The following ZDHHC14 variants were observed in gnomAD, a reference collection of about 807,000 sequenced individuals.
The protein encoded by ZDHHC14 is palmitoyltransferase ZDHHC14.
Under a neutral mutation model 47.7 loss-of-function variants are expected in ZDHHC14, and 16 were observed. The ratio of observed to expected loss-of-function variants is 0.34; its 90% CI spans 0.23 to 0.51. The LOEUF is 0.51. Ranked by LOEUF, ZDHHC14 falls within the 20% of genes least tolerant of loss-of-function variation. The probability of loss-of-function intolerance (pLI) is 0.97; values close to 1 mark genes in which losing one functional copy is unlikely to be tolerated. For missense variants in ZDHHC14, 515 were observed against 662.5 expected (o/e 0.78, Z 2.44); for synonymous variants, 293 against 278.9 (o/e 1.05, Z -0.50).
intron 8 of ZDHHC14, among the ~76,000 whole-genome samples, chr6:157,669,116 C>T (rs1057458264): frequency 2.6e-5 from 4 of 152,168 alleles, no homozygotes; most frequent in Admixed American, 6.5e-5. Context: ...TGGAAGTCTC[C>T]GAAGGTGCAC....
At chr6:157,406,228 GA>G (rs1777759105) in intron 1 of ZDHHC14, among the ~76,000 whole-genome samples, 1 of 152,198 alleles carries the variant, frequency 6.6e-6, no homozygotes, top group South Asian at 2.1e-4. Flanking sequence ...TGGAATCCTG[GA>G]GGACCGGGTG....
intron 4 of ZDHHC14, chr6:157,631,996 C>G (rs1481651670): frequency 6.6e-6 from 1 of 152,310 alleles, no homozygotes; most frequent in Non-Finnish European, 1.5e-5. Context: ...ACTCTTCACC[C>G]TCCCAGGTGT....
intron 5 of ZDHHC14, among the ~76,000 whole-genome samples, chr6:157,642,838 A>G (rs957329503): frequency 1.5e-4 from 23 of 152,226 alleles, no homozygotes; most frequent in African/African-American, 4.3e-4. Flanking sequence ...GTGTCTGTAT[A>G]TCTGTATCTG....
chr6:157,622,195 A>G (rs191418711), intron 3 of ZDHHC14, among the ~76,000 whole-genome samples: 9 of 143,074 alleles, frequency 6.3e-5, no homozygotes, highest in East Asian at 2.1e-4. Context: ...ACATGGCAAA[A>G]TCCCATCTCC....
At chr6:157,438,480 C>T (rs1233384248) in intron 1 of ZDHHC14, among the ~76,000 whole-genome samples, 2 of 152,326 alleles carry the variant, frequency 1.3e-5, no homozygotes, top group African/African-American at 4.8e-5. Flanking sequence ...GTGCAGACAT[C>T]TCTAGTTTTC....
intron 3 of ZDHHC14, among the ~76,000 whole-genome samples, chr6:157,606,997 ACTT>A (rs1307292379): frequency 6.6e-6 from 1 of 152,168 alleles, no homozygotes; most frequent in Non-Finnish European, 1.5e-5. Context: ...ACTTGCCACT[ACTT>A]CAAAATTGTG....
chr6:157,435,552 T>A (rs145870640), intron 1 of ZDHHC14, among the ~76,000 whole-genome samples: 1 of 152,152 alleles, frequency 6.6e-6, no homozygotes, highest in Non-Finnish European at 1.5e-5. Flanking sequence ...TCTATCTTTT[T>A]TTTTTAAGAT....
intron 1 of ZDHHC14, among the ~76,000 whole-genome samples, chr6:157,406,411 G>A (rs1405168458): frequency 1.3e-5 from 2 of 152,218 alleles, no homozygotes; most frequent in African/African-American, 2.4e-5. Context: ...ACATTGAATC[G>A]TACCTTTGGT....
chr6:157,507,328 G>A (rs1780351494), intron 1 of ZDHHC14, among the ~76,000 whole-genome samples: 1 of 149,710 alleles, frequency 6.7e-6, no homozygotes, highest in Non-Finnish European at 1.5e-5. Flanking sequence ...CTGTCACCCA[G>A]GCTGGAGTGC....
At chr6:157,562,208 G>A (rs1009789567) in intron 2 of ZDHHC14, among the ~76,000 whole-genome samples, 3 of 152,148 alleles carry the variant, frequency 2.0e-5, no homozygotes, top group African/African-American at 7.2e-5. Flanking sequence ...CATGAGAAGA[G>A]AGAGGAAGGG....
At chr6:157,449,635 G>T (rs1669204058) in intron 1 of ZDHHC14, among the ~76,000 whole-genome samples, 1 of 152,136 alleles carries the variant, frequency 6.6e-6, no homozygotes, top group South Asian at 2.1e-4. Context: ...CATACAATAT[G>T]CAGTCTGTCG....
chr6:157,538,336 GAACTGGGC>G (rs1781617589), intron 1 of ZDHHC14, among the ~76,000 whole-genome samples: 1 of 152,158 alleles, frequency 6.6e-6, no homozygotes, highest in Non-Finnish European at 1.5e-5. Context: ...CTCGCAGAAG[GAACTGGGC>G]CTTAGCATCT....
chr6:157,506,426 T>C (rs1280289576), intron 1 of ZDHHC14, among the ~76,000 whole-genome samples: 4 of 152,254 alleles, frequency 2.6e-5, no homozygotes, highest in African/African-American at 9.6e-5. Context: ...GAGAGCCCTC[T>C]GCAAGGTCAG....
intron 1 of ZDHHC14, among the ~76,000 whole-genome samples, chr6:157,404,370 G>T (rs1303314819): frequency 6.6e-6 from 1 of 152,150 alleles, no homozygotes; most frequent in African/African-American, 2.4e-5. Context: ...CCTGACTTCA[G>T]GTGATCCCCT....
intron 1 of ZDHHC14, among the ~76,000 whole-genome samples, chr6:157,437,296 G>C (rs771413906): frequency 2.6e-5 from 4 of 152,190 alleles, no homozygotes; most frequent in Non-Finnish European, 5.9e-5. Flanking sequence ...TGCCAAATAA[G>C]GTTAACGGAT....
Position 157,588,118 on chromosome 6 carries a change from G to A in ZDHHC14, c.407-4870G>A, listed in dbSNP as rs566298517. ...CTAAAAAAAACACAAAAATTAGCTG[G>A]GCGTGGTGGTGCACACCTGTAGTCC... On this transcript the variant is annotated intron_variant, in intron 2 of 8. Transcript: ENST00000359775. 1.5e-3 allele frequency among the ~76,000 whole-genome samples: 227 copies of A among 152,176 alleles called. 1 individual carries two copies. Among genetic ancestry groups the A allele is most frequent in the South Asian group, 2.5e-3 (12 of 4,816 alleles).
chr6:157,452,615 G>A (rs1271500396), intron 1 of ZDHHC14, among the ~76,000 whole-genome samples: 1 of 149,930 alleles, frequency 6.7e-6, no homozygotes, highest in Admixed American at 6.6e-5. Flanking sequence ...CAAGGAAATT[G>A]GAACTTAGAT....
intron 3 of ZDHHC14, among the ~76,000 whole-genome samples, chr6:157,608,460 A>C (rs933606707): frequency 6.6e-6 from 1 of 152,134 alleles, no homozygotes; most frequent in African/African-American, 2.4e-5. Flanking sequence ...AAGATGCCCA[A>C]CCTGGAGGAA....
intron 3 of ZDHHC14, among the ~76,000 whole-genome samples, chr6:157,605,333 A>G (rs897675301): frequency 6.6e-6 from 1 of 152,256 alleles, no homozygotes; most frequent in African/African-American, 2.4e-5. Context: ...AAATCCAGTA[A>G]TGTGCCTTTG....
Sources: allele counts gnomAD v4.1 joint callset (sites outside exome capture counted in the v4.1 genomes callset), GRCh38; gene constraint gnomAD v4.1.1; transcripts MANE v1.5; gene names NCBI Gene and HGNC (gene_info 2026-07-23, HGNC 2026-07-21).